PELI2: variants seen among roughly 807,000 people sequenced by gnomAD.
The protein encoded by PELI2 is E3 ubiquitin-protein ligase pellino homolog 2.
PELI2 carries 23 observed loss-of-function variants against 42.3 expected under a neutral mutation model. The ratio of observed to expected loss-of-function variants is 0.54; its 90% confidence interval spans 0.39 to 0.77. PELI2 has a LOEUF of 0.77. Among genes scored for constraint, PELI2 ranks in the 30% least tolerant of loss-of-function variants. PELI2 has a pLI of 0.00. For missense variants in PELI2, 463 were observed against 553.2 expected, an observed-to-expected ratio of 0.84 and a Z score of 1.64; for synonymous variants, 245 against 212.2, an observed-to-expected ratio of 1.15 and a Z score of -1.34.
intron 2 of PELI2, among the ~76,000 whole-genome samples, chr14:56,212,292 C>T (rs2035283): frequency 0.13 from 19,884 of 152,268 alleles, 1,484 homozygotes; most frequent in Middle Eastern, 0.17. Flanking sequence ...TTGCTTTTCA[C>T]AGATACTACT....
chr14:56,297,118 T>C lies in PELI2; in HGVS notation c.1215T>C (p.Val405=), dbSNP rs779832811. The change falls in exon 6 of 6, where the codon GTT becomes GTC. Residue 405 remains valine, a synonymous_variant. Coordinates refer to ENST00000267460, the MANE Select transcript of PELI2 (RefSeq NM_021255.3). ...AACPFCATQL[V]GEQNCIKLIF... ...GCCCTTTCTGTGCTACACAGCTGGT[T>C]GGGGAGCAAAACTGCATCAAATTAA... is the stretch of plus-strand genomic sequence containing the variant. The C allele has an allele frequency of 3.3e-5, 53 of 1,605,200 alleles. No homozygotes were observed. The highest frequency in any genetic ancestry group is 5.0e-5 in the Admixed American group (3 of 60,000).
intron 2 of PELI2, among the ~76,000 whole-genome samples, chr14:56,192,154 C>A (rs1885969996): frequency 6.6e-6 from 1 of 152,200 alleles, no homozygotes; most frequent in South Asian, 2.1e-4. Context: ...CGCACTTGGC[C>A]AAGATTTTTA....
At chr14:56,280,829 A>C (rs1889459200) in intron 3 of PELI2, among the ~76,000 whole-genome samples, 1 of 152,146 alleles carries the variant, frequency 6.6e-6, no homozygotes, top group Non-Finnish European at 1.5e-5. Flanking sequence ...GCAACAAATC[A>C]AGTAGACAAA....
At chr14:56,209,202 CA>C (rs779851399) in intron 2 of PELI2, among the ~76,000 whole-genome samples, 87 of 152,162 alleles carry the variant, frequency 5.7e-4, no homozygotes, top group Non-Finnish European at 7.5e-4. Flanking sequence ...ATTTTAACAT[CA>C]CAGAGTAAGA....
Position 56,190,020 on chromosome 14 carries a change from C to T in PELI2, c.207+11556C>T, listed in dbSNP as rs1035835895. Among the ~76,000 whole-genome samples, 23 of 152,142 alleles carry T rather than the reference C, an allele frequency of 1.5e-4. No individual in the cohort carries two copies. In the East Asian group the frequency reaches 4.4e-3, roughly 29 times the overall value. ...AGTTTTGCATTCTCTGGTCTGCTAA[C>T]ATTAGTTTCATTTCTTGCATTTTGA... On this transcript the variant is annotated intron_variant, in intron 2 of 5. Coordinates refer to ENST00000267460, the MANE Select transcript of PELI2 (RefSeq NM_021255.3).
chr14:56,178,331 C>A lies in PELI2; in HGVS notation c.78-4C>A. On this transcript the variant is annotated splice_polypyrimidine_tract_variant and splice_region_variant and intron_variant, in intron 1 of 5. Coordinates refer to ENST00000267460, the MANE Select transcript of PELI2 (RefSeq NM_021255.3). Reference sequence around the variant, plus strand: ...TAGATGAACTCTTTCCTCTCTGTTTCTAGGTACAATGGTGCTTTACCCAAT... The same window carrying A: ...TAGATGAACTCTTTCCTCTCTGTTTATAGGTACAATGGTGCTTTACCCAAT... 6.2e-7 allele frequency: 1 copy of A among 1,613,732 alleles called. No individual in the cohort carries two copies. The highest frequency in any genetic ancestry group is 8.5e-7 in the Non-Finnish European group (1 of 1,179,752).
At chr14:56,125,783 A>G (rs776679429) in intron 1 of PELI2, among the ~76,000 whole-genome samples, 3 of 152,132 alleles carry the variant, frequency 2.0e-5, no homozygotes, top group Non-Finnish European at 4.4e-5. Context: ...ACCAGAGCGT[A>G]TTGCCCCTTG....
At chr14:56,213,431 G>A (rs11626740) in intron 2 of PELI2, among the ~76,000 whole-genome samples, 10,806 of 152,310 alleles carry the variant, frequency 0.071, 481 homozygotes, top group Middle Eastern at 0.14. Flanking sequence ...GTCCAAGTTA[G>A]CAGGCGAGAG....
chr14:56,190,049 AAG>A (rs1388065700), intron 2 of PELI2, among the ~76,000 whole-genome samples: 1 of 152,200 alleles, frequency 6.6e-6, no homozygotes, highest in African/African-American at 2.4e-5. Flanking sequence ...ATTTTGAACA[AAG>A]AGTTGTGTAT....
At chr14:56,137,190 C>G (rs1353371736) in intron 1 of PELI2, among the ~76,000 whole-genome samples, 1 of 122,220 alleles carries the variant, frequency 8.2e-6, no homozygotes, top group Non-Finnish European at 1.7e-5. Flanking sequence ...TAACACAAGC[C>G]CATAGTAACC....
chr14:56,258,279 A>C (rs1888588091), intron 2 of PELI2, among the ~76,000 whole-genome samples: 1 of 152,068 alleles, frequency 6.6e-6, no homozygotes, highest in Non-Finnish European at 1.5e-5. Flanking sequence ...TCTTAACAAA[A>C]TCAAGAACCG....
intron 2 of PELI2, among the ~76,000 whole-genome samples, chr14:56,192,958 T>A (rs1325800580): frequency 6.6e-6 from 1 of 152,188 alleles, no homozygotes; most frequent in Non-Finnish European, 1.5e-5. Flanking sequence ...TATTCTTCAT[T>A]TTAAAAAGCT....
Position 56,185,049 on chromosome 14 carries a change from T to C in PELI2, c.207+6585T>C, listed in dbSNP as rs1488880570. 2.0e-5 allele frequency among the ~76,000 whole-genome samples: 3 copies of C among 149,372 alleles called. No individual in the cohort carries two copies. The East Asian group carries it at 5.8e-4, about 29-fold the overall frequency. ...GGAATATTTTACAATTTTTTATTTA[T>C]ATGGCTATTTTTTTATTAAAAGGCT... is the stretch of plus-strand genomic sequence containing the variant. On this transcript the variant is annotated intron_variant, in intron 2 of 5. Transcript: ENST00000267460.
chr14:56,286,586 A>G (rs1889652842), intron 3 of PELI2, among the ~76,000 whole-genome samples: 1 of 152,252 alleles, frequency 6.6e-6, no homozygotes, highest in South Asian at 2.1e-4. Context: ...CTATATGAAT[A>G]TCAGATGAAA....
intron 2 of PELI2, 83 bp downstream of exon 2, chr14:56,178,547 C>A (rs17762499): frequency 6.8e-7 from 1 of 1,476,100 alleles, no homozygotes; most frequent in South Asian, 1.2e-5. Flanking sequence ...TCTTTCCTTT[C>A]GTCTTTTCAT....
chr14:56,142,004 C>A (rs1175294409), intron 1 of PELI2, among the ~76,000 whole-genome samples: 1 of 152,106 alleles, frequency 6.6e-6, no homozygotes, highest in Non-Finnish European at 1.5e-5. Context: ...TCTTTTCCAG[C>A]TCTAGAGAGT....
intron 3 of PELI2, among the ~76,000 whole-genome samples, chr14:56,284,101 A>C (rs770685261): frequency 6.6e-6 from 1 of 152,234 alleles, no homozygotes; most frequent in Non-Finnish European, 1.5e-5. Flanking sequence ...AATATCAGAA[A>C]GAACCAAGAA....
intron 2 of PELI2, among the ~76,000 whole-genome samples, chr14:56,257,112 T>C (rs1276675593): frequency 6.6e-6 from 1 of 152,226 alleles, no homozygotes; most frequent in Admixed American, 6.5e-5. Flanking sequence ...GGATATTATT[T>C]AACCAAAATT....
At chr14:56,128,143 T>G (rs1311061969) in intron 1 of PELI2, among the ~76,000 whole-genome samples, 7 of 152,140 alleles carry the variant, frequency 4.6e-5, no homozygotes, top group Non-Finnish European at 1.0e-4. Flanking sequence ...TAAACACTGA[T>G]CATTCAGTTT....
Sources: gnomAD v4.1 joint callset for allele counts (sites outside exome capture counted in the v4.1 genomes callset) on GRCh38, gnomAD v4.1.1 for gene constraint, MANE v1.5 for transcripts, NCBI Gene and HGNC (gene_info 2026-07-23, HGNC 2026-07-21) for gene names.